The following PITPNC1 variants were observed in gnomAD, a reference collection of about 807,000 sequenced individuals.
The protein encoded by PITPNC1 is cytoplasmic phosphatidylinositol transfer protein 1.
Under a neutral mutation model 44.7 loss-of-function variants are expected in PITPNC1, and 18 were observed. The ratio of observed to expected loss-of-function variants is 0.40; its 90% CI spans 0.28 to 0.60. The LOEUF is 0.60. Ranked by LOEUF, PITPNC1 falls within the 20% of genes least tolerant of loss-of-function variation. The pLI, the probability that PITPNC1 is intolerant of heterozygous loss-of-function variation, is 0.39. For missense variants in PITPNC1, 290 were observed against 418.4 expected (o/e 0.69, Z 2.68); for synonymous variants, 141 against 149.6 (o/e 0.94, Z 0.42).
chr17:67,409,329 C>T (rs1407199298), intron 1 of PITPNC1, among the ~76,000 whole-genome samples: 1 of 151,700 alleles, frequency 6.6e-6, no homozygotes, highest in Non-Finnish European at 1.5e-5. Flanking sequence ...CATGATCCAC[C>T]CGCCTCGGCC....
intron 5 of PITPNC1, among the ~76,000 whole-genome samples, chr17:67,626,049 T>C (rs2041892178): frequency 6.6e-6 from 1 of 151,710 alleles, no homozygotes; most frequent in Admixed American, 6.6e-5. Flanking sequence ...TGTAGTGGCG[T>C]GATCTTGGCT....
At chr17:67,414,821 A>C (rs1387340557) in intron 1 of PITPNC1, among the ~76,000 whole-genome samples, 2 of 152,164 alleles carry the variant, frequency 1.3e-5, no homozygotes, top group East Asian at 3.9e-4. Flanking sequence ...AATACTCATC[A>C]GTTTCTGAGT....
intron 8 of PITPNC1, among the ~76,000 whole-genome samples, chr17:67,691,285 A>G (rs2042923342): frequency 6.6e-6 from 1 of 152,228 alleles, no homozygotes; most frequent in African/African-American, 2.4e-5. Flanking sequence ...TGTATAATAC[A>G]TTAAACACAT....
chr17:67,495,323 G>T (rs982825456), intron 1 of PITPNC1, among the ~76,000 whole-genome samples: 113 of 152,042 alleles, frequency 7.4e-4, no homozygotes, highest in Non-Finnish European at 1.0e-4. Flanking sequence ...CTCCCAAAGC[G>T]TTGGGATTAC....
At chr17:67,653,643 T>C (rs2042232967) in intron 6 of PITPNC1, among the ~76,000 whole-genome samples, 1 of 152,184 alleles carries the variant, frequency 6.6e-6, no homozygotes, top group Non-Finnish European at 1.5e-5. Context: ...AAAACACATA[T>C]CACATGTTAG....
In PITPNC1 at chr17:67,675,462, C is replaced by T; in HGVS notation, c.619-17C>T. The T allele has an allele frequency of 6.3e-7, 1 of 1,577,810 alleles. No homozygotes were observed. The highest frequency in any genetic ancestry group is 8.7e-7 in the Non-Finnish European group (1 of 1,147,286). ...TCAAAGATGCTATTATTTCAGTCTC[C>T]TTCTTTTACTTTTTAGGTGGTCCGA... On this transcript the variant is annotated splice_polypyrimidine_tract_variant and intron_variant, in intron 7 of 8. Transcript: ENST00000581322.
At position 67,451,651 on chromosome 17, in the gene PITPNC1, T is replaced by TG. The variant is rs1567994940; in HGVS notation, c.48+73449_48+73450insG. ...GACCTTTTTTTTTTTTGTTTTGTTT[T>TG]TTTTTGAGACAGAGTCTCGCTCTGT... On this transcript the variant is annotated intron_variant, in intron 1 of 8. Transcript: ENST00000581322. 7.9e-5 allele frequency among the ~76,000 whole-genome samples: 12 copies of TG among 152,006 alleles called. No individual in the cohort carries two copies. The South Asian group carries it at 1.9e-3, about 24-fold the overall frequency.
intron 1 of PITPNC1, among the ~76,000 whole-genome samples, chr17:67,416,086 G>A (rs1444131552): frequency 6.6e-6 from 1 of 151,742 alleles, no homozygotes; most frequent in African/African-American, 2.4e-5. Flanking sequence ...GGTGGCTAAT[G>A]ACTGGAGTCT....
rs2043017004 is a variant in PITPNC1, at chr17:67,696,766, A to AGTT, written c.*3879_*3881dup. ...AATATAAGTGTTTAAGCTTTTTAGG[A>AGTT]GTTAGTGTAATAAGAGAATGTGAAT... On this transcript the variant is annotated 3_prime_UTR_variant, in exon 9 of 9. Coordinates refer to ENST00000581322, the MANE Select transcript of PITPNC1 (RefSeq NM_012417.4). 1 of 152,200 alleles carries AGTT rather than the reference A, an allele frequency of 6.6e-6. No individual in the cohort carries two copies. Among genetic ancestry groups the AGTT allele is most frequent in the South Asian group, 2.1e-4 (1 of 4,826 alleles). 9.4% of individuals were successfully genotyped at this position (152,200 alleles called of 1,614,324 possible).
chr17:67,429,292 T>C lies in PITPNC1; in HGVS notation c.48+51090T>C, dbSNP rs558739397. 4.6e-5 allele frequency among the ~76,000 whole-genome samples: 7 copies of C among 152,346 alleles called. No individual in the cohort carries two copies. The East Asian group carries it at 1.2e-3, about 25-fold the overall frequency. ...CACTGATGGGTAAATTGAAAGCTAG[T>C]GATTATAGGACAGTGGTTGCCAGTC... On this transcript the variant is annotated intron_variant, in intron 1 of 8. Coordinates refer to ENST00000581322, the MANE Select transcript of PITPNC1 (RefSeq NM_012417.4).
intron 1 of PITPNC1, among the ~76,000 whole-genome samples, chr17:67,526,855 G>T (rs1232752551): frequency 6.6e-6 from 1 of 152,042 alleles, no homozygotes; most frequent in African/African-American, 2.4e-5. Context: ...CTCCAATTTT[G>T]CAGCTCTATC....
chr17:67,494,309 T>C (rs1164343902), intron 1 of PITPNC1, among the ~76,000 whole-genome samples: 1 of 151,732 alleles, frequency 6.6e-6, no homozygotes, highest in Non-Finnish European at 1.5e-5. Flanking sequence ...CAAGCAATTC[T>C]CTGCCTCAGC....
At chr17:67,622,130 G>A (rs570629111) in intron 5 of PITPNC1, among the ~76,000 whole-genome samples, 12 of 151,966 alleles carry the variant, frequency 7.9e-5, no homozygotes, top group Admixed American at 4.6e-4. Context: ...GGTGGTGGGC[G>A]CCTGTAGTCC....
rs939473788 is a variant in PITPNC1, at chr17:67,596,443, G to T, written c.366+18186G>T. ...TCACGGGTAACAACATTCTGCTTTG[G>T]CTAAGAGTTTACGTAACTGCATACT... On this transcript the variant is annotated intron_variant, in intron 5 of 8. Coordinates refer to ENST00000581322, the MANE Select transcript of PITPNC1 (RefSeq NM_012417.4). Among the ~76,000 whole-genome samples the T allele has an allele frequency of 2.0e-5, 3 of 152,144 alleles. No individual in the cohort carries two copies. The East Asian group carries it at 5.8e-4, about 29-fold the overall frequency.
intron 8 of PITPNC1, among the ~76,000 whole-genome samples, chr17:67,681,430 C>A (rs1027932062): frequency 6.6e-6 from 1 of 151,650 alleles, no homozygotes; most frequent in African/African-American, 2.4e-5. Flanking sequence ...CCTGGCAACA[C>A]AGGGAGACCC....
At chr17:67,574,407 A>C (rs1375462923) in intron 4 of PITPNC1, among the ~76,000 whole-genome samples, 4 of 152,218 alleles carry the variant, frequency 2.6e-5, no homozygotes, top group Admixed American at 1.3e-4. Flanking sequence ...CAGTGTTTCT[A>C]TCATGCAGTT....
chr17:67,601,070 C>T (rs1003045120), intron 5 of PITPNC1, among the ~76,000 whole-genome samples: 1 of 152,190 alleles, frequency 6.6e-6, no homozygotes, highest in Admixed American at 6.5e-5. Context: ...GTGTAGTTTG[C>T]CCAAGGTCAC....
At chr17:67,603,067 A>C (rs895113551) in intron 5 of PITPNC1, among the ~76,000 whole-genome samples, 1 of 152,124 alleles carries the variant, frequency 6.6e-6, no homozygotes, top group Non-Finnish European at 1.5e-5. Flanking sequence ...CACCAGAGCC[A>C]GTGGGTTCAT....
At chr17:67,392,599 A>G (rs928504696) in intron 1 of PITPNC1, among the ~76,000 whole-genome samples, 25 of 152,162 alleles carry the variant, frequency 1.6e-4, no homozygotes, top group African/African-American at 5.8e-4. Context: ...GAACTCTAAA[A>G]GACTTTTCAA....
Sources: allele counts gnomAD v4.1 joint callset (sites outside exome capture counted in the v4.1 genomes callset), GRCh38; gene constraint gnomAD v4.1.1; transcripts MANE v1.5; gene names NCBI Gene and HGNC (gene_info 2026-07-23, HGNC 2026-07-21).